The following CSMD1 variants were observed in gnomAD, a reference collection of about 807,000 sequenced individuals.
CSMD1 encodes CUB and sushi domain-containing protein 1.
A neutral mutation model predicts 417.5 loss-of-function variants in CSMD1; 213 were observed. That is an observed-to-expected ratio of 0.51 (90% CI 0.46 to 0.57). CSMD1 has a LOEUF of 0.57. Ranked by LOEUF, CSMD1 falls within the 20% of genes least tolerant of loss-of-function variation. The probability of loss-of-function intolerance (pLI) is 0.00; values close to 1 mark genes in which losing one functional copy is unlikely to be tolerated. For synonymous variants in CSMD1, 2,862 were observed against 1,736.8 expected, an observed-to-expected ratio of 1.65 and a Z score of -16.11; for missense variants, 6,923 against 4,529.7, an observed-to-expected ratio of 1.53 and a Z score of -15.17.
chr8:4,966,826 C>A (rs1268560081), intron 1 of CSMD1, among the ~76,000 whole-genome samples: 1 of 152,154 alleles, frequency 6.6e-6, no homozygotes, highest in Admixed American at 6.6e-5. Context: ...ATGCTGTCAA[C>A]ATGCCCTTCA....
At chr8:3,770,045 T>C (rs1000191355) in intron 5 of CSMD1, among the ~76,000 whole-genome samples, 1 of 152,232 alleles carries the variant, frequency 6.6e-6, no homozygotes, top group African/African-American at 2.4e-5. Context: ...TTTGCTGTGA[T>C]TCCTGATCAG....
chr8:3,668,998 G>A (rs1269292624), intron 7 of CSMD1, among the ~76,000 whole-genome samples: 3 of 152,116 alleles, frequency 2.0e-5, no homozygotes, highest in African/African-American at 7.2e-5. Context: ...TGCTTTCACT[G>A]GAAATCTTTC....
chr8:2,941,556 A>G (rs532650552), intron 69 of CSMD1, among the ~76,000 whole-genome samples: 4 of 152,344 alleles, frequency 2.6e-5, no homozygotes, highest in African/African-American at 7.2e-5. Context: ...AAAAATGTAC[A>G]AGGAGTTTAT....
At chr8:3,676,760 G>T (rs1444249407) in intron 7 of CSMD1, among the ~76,000 whole-genome samples, 2 of 152,072 alleles carry the variant, frequency 1.3e-5, no homozygotes, top group African/African-American at 4.8e-5. Context: ...CAAACACTTG[G>T]AACCAACCCA....
intron 3 of CSMD1, among the ~76,000 whole-genome samples, chr8:4,217,902 A>G (rs561506191): frequency 2.0e-4 from 30 of 152,320 alleles, no homozygotes; most frequent in African/African-American, 6.7e-4. Context: ...AGATGAGACT[A>G]TGCAAAGAAG....
chr8:4,964,936 A>C (rs1273844973), intron 1 of CSMD1, among the ~76,000 whole-genome samples: 1 of 152,164 alleles, frequency 6.6e-6, no homozygotes, highest in Non-Finnish European at 1.5e-5. Context: ...TTGGTGAATT[A>C]ACCTTTCTTT....
At chr8:3,385,029 TA>T (rs1316108974) in intron 18 of CSMD1, among the ~76,000 whole-genome samples, 8 of 115,636 alleles carry the variant, frequency 6.9e-5, no homozygotes, top group Non-Finnish European at 1.3e-4. Flanking sequence ...TATATAAATA[TA>T]ATATATATAA....
chr8:3,423,600 C>G (rs1169421678), intron 12 of CSMD1, among the ~76,000 whole-genome samples: 2 of 152,076 alleles, frequency 1.3e-5, no homozygotes, highest in South Asian at 2.1e-4. Flanking sequence ...GTCCTCCACT[C>G]TGTGGCTTTG....
intron 26 of CSMD1, among the ~76,000 whole-genome samples, chr8:3,283,119 T>C (rs1490410892): frequency 6.6e-6 from 1 of 152,152 alleles, no homozygotes; most frequent in Non-Finnish European, 1.5e-5. Flanking sequence ...CAGATGTGGT[T>C]TCACACTAGT....
intron 3 of CSMD1, among the ~76,000 whole-genome samples, chr8:4,204,492 A>G (rs991048595): frequency 6.6e-6 from 1 of 152,204 alleles, no homozygotes; most frequent in Admixed American, 6.5e-5. Flanking sequence ...ATTGTAAAAT[A>G]AACCAGATTC....
intron 3 of CSMD1, among the ~76,000 whole-genome samples, chr8:4,207,683 A>G (rs1249771632): frequency 6.6e-6 from 1 of 152,166 alleles, no homozygotes; most frequent in African/African-American, 2.4e-5. Context: ...ATTCACATGT[A>G]CATTTCAAAA....
intron 3 of CSMD1, among the ~76,000 whole-genome samples, chr8:4,348,641 G>A (rs1383301363): frequency 7.3e-6 from 1 of 137,810 alleles, no homozygotes; most frequent in African/African-American, 2.7e-5. Context: ...GAGGGGGAGA[G>A]GGAGGGGGAG....
intron 3 of CSMD1, among the ~76,000 whole-genome samples, chr8:4,297,540 A>T (rs1017534745): frequency 6.6e-6 from 1 of 152,186 alleles, no homozygotes; most frequent in Non-Finnish European, 1.5e-5. Flanking sequence ...CCCCTCACAT[A>T]TGATCAATTT....
chr8:4,699,201 A>G (rs1374438512), intron 1 of CSMD1, among the ~76,000 whole-genome samples: 1 of 152,186 alleles, frequency 6.6e-6, no homozygotes, highest in African/African-American at 2.4e-5. Context: ...AAGTATGTAA[A>G]GTTAATACTC....
intron 7 of CSMD1, among the ~76,000 whole-genome samples, chr8:3,702,824 G>T (rs539732010): frequency 6.3e-4 from 96 of 152,250 alleles, no homozygotes; most frequent in African/African-American, 2.2e-3. Flanking sequence ...ACGAGACTCT[G>T]TCTCAATAAC....
At chr8:4,232,015 G>C (rs76478243) in intron 3 of CSMD1, among the ~76,000 whole-genome samples, 4 of 152,246 alleles carry the variant, frequency 2.6e-5, no homozygotes, top group Admixed American at 6.5e-5. Context: ...GACATAGGAC[G>C]TAAGTATGAA....
At chr8:3,123,669 G>A (rs75975243) in intron 41 of CSMD1, among the ~76,000 whole-genome samples, 1 of 152,084 alleles carries the variant, frequency 6.6e-6, no homozygotes, top group Admixed American at 6.5e-5. Flanking sequence ...AATAAAACTA[G>A]ATTCAATAGA....
At chr8:3,219,133 G>C in intron 29 of CSMD1, 122 bp downstream of exon 29, 1 of 730,918 alleles carries the variant, frequency 1.4e-6, no homozygotes, top group Non-Finnish European at 2.2e-6. Context: ...TTCCCAGACA[G>C]AGGAGACACA....
At chr8:4,142,471 TG>T (rs1803849228) in intron 3 of CSMD1, among the ~76,000 whole-genome samples, 1 of 151,266 alleles carries the variant, frequency 6.6e-6, no homozygotes, top group East Asian at 1.9e-4. Flanking sequence ...TAATCTACCT[TG>T]TTATTTGCTA....
Sources: gnomAD v4.1 joint callset for allele counts (sites outside exome capture counted in the v4.1 genomes callset) on GRCh38, gnomAD v4.1.1 for gene constraint, MANE v1.5 for transcripts, NCBI Gene and HGNC (gene_info 2026-07-23, HGNC 2026-07-21) for gene names.